PPP1R9A: variants seen among roughly 807,000 people sequenced by gnomAD.
PPP1R9A encodes protein phosphatase 1 regulatory subunit 9A, also known as neurabin-1.
PPP1R9A carries 59 observed loss-of-function variants against 141.9 expected under a neutral mutation model. The ratio of observed to expected loss-of-function variants is 0.42; its 90% CI spans 0.34 to 0.52. The LOEUF (loss-of-function observed/expected upper bound fraction) is 0.52. Ranked by LOEUF, PPP1R9A falls within the 20% of genes least tolerant of loss-of-function variation. The pLI is 0.10. For synonymous variants in PPP1R9A, 500 were observed against 569.7 expected, an observed-to-expected ratio of 0.88 and a Z score of 1.74; for missense variants, 1,444 against 1,611.9, an observed-to-expected ratio of 0.90 and a Z score of 1.78.
chr7:95,163,800 C>T (rs1026176374), intron 5 of PPP1R9A, among the ~76,000 whole-genome samples: 3 of 151,960 alleles, frequency 2.0e-5, no homozygotes, highest in South Asian at 2.1e-4. Flanking sequence ...AGTGCAGTGG[C>T]GCAGTCTCAA....
chr7:95,107,595 T>G (rs1175621606), intron 2 of PPP1R9A, among the ~76,000 whole-genome samples: 1 of 152,124 alleles, frequency 6.6e-6, no homozygotes, highest in Admixed American at 6.5e-5. Context: ...TTTCATAATT[T>G]ATTAAATAGA....
At chr7:94,984,015 A>G (rs577723331) in intron 2 of PPP1R9A, among the ~76,000 whole-genome samples, 1 of 152,278 alleles carries the variant, frequency 6.6e-6, no homozygotes, top group East Asian at 1.9e-4. Context: ...ATCAATACCT[A>G]GTTTATTGAG....
intron 7 of PPP1R9A, among the ~76,000 whole-genome samples, chr7:95,204,836 CACA>C (rs1258845217): frequency 5.5e-5 from 8 of 145,948 alleles, no homozygotes; most frequent in African/African-American, 1.8e-4. Flanking sequence ...CACATACCCT[CACA>C]ACCACACACA....
intron 19 of PPP1R9A, among the ~76,000 whole-genome samples, chr7:95,289,770 T>G (rs1210966795): frequency 5.3e-5 from 8 of 152,198 alleles, no homozygotes; most frequent in Admixed American, 5.2e-4. Context: ...AGCAATACCT[T>G]TACCCGTAAA....
chr7:95,077,030 C>G (rs2152245045), intron 2 of PPP1R9A, among the ~76,000 whole-genome samples: 1 of 151,992 alleles, frequency 6.6e-6, no homozygotes, highest in Non-Finnish European at 1.5e-5. Flanking sequence ...TCAAATAATG[C>G]CATTTTACTT....
intron 2 of PPP1R9A, among the ~76,000 whole-genome samples, chr7:95,099,871 C>A (rs1818528013): frequency 6.6e-6 from 1 of 151,862 alleles, no homozygotes; most frequent in Non-Finnish European, 1.5e-5. Context: ...TAAATGGTAC[C>A]AATTATGATT....
At chr7:95,151,007 A>G (rs1045189425) in intron 4 of PPP1R9A, among the ~76,000 whole-genome samples, 3 of 152,244 alleles carry the variant, frequency 2.0e-5, no homozygotes, top group African/African-American at 4.8e-5. Context: ...AAACACTGAC[A>G]ACAAATGCTG....
chr7:94,961,160 C>T (rs1213492596), intron 2 of PPP1R9A, among the ~76,000 whole-genome samples: 1 of 151,436 alleles, frequency 6.6e-6, no homozygotes, highest in African/African-American at 2.4e-5. Flanking sequence ...TCTCCTTCCT[C>T]TGCTTTATAA....
chr7:95,189,227 A>T (rs1325020177), intron 5 of PPP1R9A, among the ~76,000 whole-genome samples: 3 of 152,006 alleles, frequency 2.0e-5, no homozygotes, highest in East Asian at 3.9e-4. Flanking sequence ...TTTGCCTCGC[A>T]GCTCTTAAGA....
chr7:94,985,161 C>A (rs1169546737), intron 2 of PPP1R9A, among the ~76,000 whole-genome samples: 1 of 152,094 alleles, frequency 6.6e-6, no homozygotes, highest in Non-Finnish European at 1.5e-5. Context: ...GTTTCTTAAC[C>A]CTGAGTTCTA....
At chr7:95,030,810 C>G (rs938933546) in intron 2 of PPP1R9A, among the ~76,000 whole-genome samples, 1 of 152,174 alleles carries the variant, frequency 6.6e-6, no homozygotes, top group Non-Finnish European at 1.5e-5. Context: ...GTATATTTCA[C>G]CCACATAGCG....
intron 5 of PPP1R9A, among the ~76,000 whole-genome samples, chr7:95,184,447 TA>T (rs1834327544): frequency 6.6e-6 from 1 of 152,184 alleles, no homozygotes; most frequent in Non-Finnish European, 1.5e-5. Context: ...CTTTTTCATT[TA>T]AAAAAATTAT....
chr7:94,911,589 C>A (rs533063971), intron 2 of PPP1R9A, 81 bp downstream of exon 2: 2 of 1,106,996 alleles, frequency 1.8e-6, no homozygotes, highest in East Asian at 2.5e-5. Flanking sequence ...GACTTGACAA[C>A]TAGTAGGAGT....
chr7:94,948,208 A>G (rs1036840804), intron 2 of PPP1R9A, among the ~76,000 whole-genome samples: 1 of 152,118 alleles, frequency 6.6e-6, no homozygotes, highest in African/African-American at 2.4e-5. Flanking sequence ...AATTTGGAAC[A>G]TGATGGTCAT....
intron 16 of PPP1R9A, among the ~76,000 whole-genome samples, chr7:95,282,318 C>G (rs953142614): frequency 6.6e-6 from 1 of 151,942 alleles, no homozygotes; most frequent in Non-Finnish European, 1.5e-5. Flanking sequence ...GGTTACAGAG[C>G]GAGACCCTGT....
chr7:95,208,956 T>TAAAAAAAAAAA (rs10670515), intron 7 of PPP1R9A, among the ~76,000 whole-genome samples: 18 of 76,800 alleles, frequency 2.3e-4, no homozygotes, highest in South Asian at 5.2e-4. Context: ...ATAGCAAAAC[T>TAAAAAAAAAAA]AAAAAAAAAA....
At chr7:95,151,005 A>G (rs948087144) in intron 4 of PPP1R9A, among the ~76,000 whole-genome samples, 1 of 152,248 alleles carries the variant, frequency 6.6e-6, no homozygotes, top group Admixed American at 6.5e-5. Context: ...CAAAACACTG[A>G]CAACAAATGC....
intron 8 of PPP1R9A, among the ~76,000 whole-genome samples, chr7:95,243,229 C>T (rs1041369013): frequency 1.3e-5 from 2 of 152,096 alleles, no homozygotes; most frequent in African/African-American, 2.4e-5. Flanking sequence ...ACTAAACAAG[C>T]CATCCAGCAG....
Position 95,290,503 on chromosome 7 carries a change from G to A in PPP1R9A, c.*200G>A. On this transcript the variant is annotated 3_prime_UTR_variant, in exon 20 of 20. Transcript: ENST00000433360. ...ATTTTAACTACTAAAATAATCCCAA[G>A]CCACCTTTGGTTCATTAACAAACCA... is the stretch of plus-strand genomic sequence containing the variant. 1 of 583,452 alleles carries A rather than the reference G, an allele frequency of 1.7e-6. No individual in the cohort carries two copies. The highest frequency in any genetic ancestry group is 2.9e-6 in the Non-Finnish European group (1 of 344,700). 36.1% of individuals were successfully genotyped at this position (583,452 alleles called of 1,614,324 possible).
Sources: allele counts gnomAD v4.1 joint callset (sites outside exome capture counted in the v4.1 genomes callset), GRCh38; gene constraint gnomAD v4.1.1; transcripts MANE v1.5; gene names NCBI Gene and HGNC (gene_info 2026-07-23, HGNC 2026-07-21).